Variants in UNC5C observed in about 807,000 individuals in gnomAD.
UNC5C encodes netrin receptor UNC5C.
UNC5C carries 47 observed loss-of-function variants against 99.8 expected under a neutral mutation model. The ratio of observed to expected loss-of-function variants is 0.47; its 90% CI spans 0.37 to 0.60. The LOEUF (loss-of-function observed/expected upper bound fraction) is 0.60. UNC5C is among the 20% of genes least tolerant of loss of function. The pLI, the probability that UNC5C is intolerant of heterozygous loss-of-function variation, is 0.00. For missense variants in UNC5C, 1,062 were observed against 1,165.9 expected (o/e 0.91, Z 1.30); for synonymous variants, 487 against 452.2 (o/e 1.08, Z -0.98).
chr4:95,428,853 A>G (rs760027484), intron 1 of UNC5C, among the ~76,000 whole-genome samples: 7 of 152,138 alleles, frequency 4.6e-5, no homozygotes, highest in African/African-American at 7.2e-5. Flanking sequence ...TTTTCCCACA[A>G]AGCTGCTACA....
intron 14 of UNC5C, among the ~76,000 whole-genome samples, chr4:95,172,066 G>A (rs1479546733): frequency 7.5e-5 from 11 of 147,340 alleles, no homozygotes; most frequent in South Asian, 2.2e-4. Context: ...CATGTCCTTC[G>A]CCCACTTTTT....
At chr4:95,206,852 T>A in intron 10 of UNC5C, 56 bp from the exon 11 acceptor site, 1 of 1,392,182 alleles carries the variant, frequency 7.2e-7, no homozygotes, top group Non-Finnish European at 9.4e-7. Context: ...TCATGAACTA[T>A]GCACTTGGGT....
chr4:95,285,202 T>C (rs994675243), intron 3 of UNC5C, among the ~76,000 whole-genome samples: 6 of 152,198 alleles, frequency 3.9e-5, no homozygotes, highest in African/African-American at 1.4e-4. Context: ...TTTCTATCCA[T>C]CGTTAAGCAC....
At chr4:95,177,995 A>G (rs1246666640) in intron 14 of UNC5C, among the ~76,000 whole-genome samples, 5 of 152,116 alleles carry the variant, frequency 3.3e-5, no homozygotes, top group African/African-American at 1.2e-4. Context: ...GGTGTGAGCC[A>G]CCATACCTGG....
At chr4:95,287,236 C>T (rs1741270213) in intron 3 of UNC5C, among the ~76,000 whole-genome samples, 1 of 152,164 alleles carries the variant, frequency 6.6e-6, no homozygotes, top group South Asian at 2.1e-4. Context: ...CCTTTACCTA[C>T]TTTCAGAAGG....
At chr4:95,509,382 T>A (rs1157754342) in intron 1 of UNC5C, among the ~76,000 whole-genome samples, 1 of 151,820 alleles carries the variant, frequency 6.6e-6, no homozygotes. Flanking sequence ...ATTTCAGCCC[T>A]CAACTCCTAA....
At chr4:95,216,554 T>TA (rs941541397) in intron 9 of UNC5C, among the ~76,000 whole-genome samples, 3 of 151,532 alleles carry the variant, frequency 2.0e-5, no homozygotes, top group Non-Finnish European at 4.4e-5. Context: ...CATTTTTTTT[T>TA]AAAATCCCCA....
At position 95,170,317 on chromosome 4, in the gene UNC5C, C is replaced by T. The variant is rs761855500; in HGVS notation, c.2467G>A (p.Asp823Asn). ...CTVSEEPTGIDLPLLDPANTI... is the reference protein window; with the variant it reads ...CTVSEEPTGINLPLLDPANTI... ...TTCGCAGGATCCAGCAGCGGCAAAT[C>T]GATGCCAGTAGGTTCCTGTAGTTCA... Residue 823 changes from aspartate (D) to asparagine (N), a missense_variant, in exon 15 of 16, where the codon GAT becomes AAT. Coordinates refer to ENST00000453304, the MANE Select transcript of UNC5C (RefSeq NM_003728.4). The T allele has an allele frequency of 8.1e-5, 130 of 1,613,934 alleles. No homozygotes were observed. The highest frequency in any genetic ancestry group is 1.0e-4 in the Non-Finnish European group (123 of 1,179,976).
intron 12 of UNC5C, among the ~76,000 whole-genome samples, chr4:95,198,014 G>A (rs563814645): frequency 6.8e-6 from 1 of 146,268 alleles, no homozygotes; most frequent in Admixed American, 6.9e-5. Context: ...AAGAGATGGG[G>A]TCTCGCTCTG....
At chr4:95,330,115 G>T (rs191309135) in intron 2 of UNC5C, among the ~76,000 whole-genome samples, 1 of 152,108 alleles carries the variant, frequency 6.6e-6, no homozygotes, top group Admixed American at 6.6e-5. Flanking sequence ...TAATGTAATA[G>T]GTACAAATGC....
chr4:95,387,078 TG>T (rs538856511), intron 1 of UNC5C, among the ~76,000 whole-genome samples: 2 of 103,640 alleles, frequency 1.9e-5, no homozygotes, highest in Non-Finnish European at 4.1e-5. Flanking sequence ...AATGCTTTTA[TG>T]TTTTCTTTGA....
chr4:95,351,271 A>C (rs1005101411), intron 1 of UNC5C, among the ~76,000 whole-genome samples: 6 of 150,288 alleles, frequency 4.0e-5, no homozygotes, highest in Admixed American at 1.3e-4. Context: ...TATCTTACTC[A>C]CTGCTGCATA....
intron 9 of UNC5C, among the ~76,000 whole-genome samples, chr4:95,217,451 C>T: frequency 6.6e-6 from 1 of 152,124 alleles, no homozygotes; most frequent in East Asian, 1.9e-4. Flanking sequence ...ACACATGAGG[C>T]TACCAAGCCT....
chr4:95,221,844 C>CCAGGT (rs1738477207), intron 7 of UNC5C, among the ~76,000 whole-genome samples: 1 of 152,128 alleles, frequency 6.6e-6, no homozygotes, highest in Admixed American at 6.6e-5. Flanking sequence ...TTTTACTTTA[C>CCAGGT]CAGGTCATAG....
intron 10 of UNC5C, 37 bp downstream of exon 10, chr4:95,216,087 A>G: frequency 6.4e-7 from 1 of 1,561,022 alleles, no homozygotes; most frequent in Non-Finnish European, 8.8e-7. Flanking sequence ...CAAGTTAGAC[A>G]TTGGTAAAGT....
chr4:95,498,616 T>C (rs772782978), intron 1 of UNC5C, among the ~76,000 whole-genome samples: 19 of 152,010 alleles, frequency 1.2e-4, no homozygotes, highest in Admixed American at 3.9e-4. Flanking sequence ...AGCCAATCTC[T>C]ACATATTTAT....
intron 4 of UNC5C, among the ~76,000 whole-genome samples, chr4:95,255,829 T>C (rs1486828806): frequency 6.6e-6 from 1 of 151,974 alleles, no homozygotes; most frequent in Non-Finnish European, 1.5e-5. Flanking sequence ...CCACCACCTA[T>C]ATTTCTCTGC....
chr4:95,264,881 T>C (rs530310016), intron 4 of UNC5C, among the ~76,000 whole-genome samples: 258 of 152,330 alleles, frequency 1.7e-3, no homozygotes, highest in African/African-American at 6.1e-3. Flanking sequence ...TCTGTTCTTT[T>C]GCAAACCTCT....
chr4:95,292,479 T>C (rs1579301519), intron 3 of UNC5C, among the ~76,000 whole-genome samples: 1 of 152,026 alleles, frequency 6.6e-6, no homozygotes, highest in Non-Finnish European at 1.5e-5. Context: ...CTTGAGTCCC[T>C]ACATTGTGAC....
Sources: gnomAD v4.1 joint callset for allele counts (sites outside exome capture counted in the v4.1 genomes callset) on GRCh38, gnomAD v4.1.1 for gene constraint, MANE v1.5 for transcripts, NCBI Gene and HGNC (gene_info 2026-07-23, HGNC 2026-07-21) for gene names.